The following MYRF variants were observed in gnomAD, a reference collection of about 807,000 sequenced individuals.
The protein encoded by MYRF is myelin gene regulatory factor.
In MYRF, 16 loss-of-function variants were observed where a neutral mutation model predicts 126.3. That is an observed-to-expected ratio of 0.13 (90% CI 0.09 to 0.19). The LOEUF (loss-of-function observed/expected upper bound fraction) is 0.19. Ranked by LOEUF, MYRF falls within the 10% of genes least tolerant of loss-of-function variation. MYRF has a pLI of 1.00. For missense variants in MYRF, 1,104 were observed against 1,547.0 expected (o/e 0.71, Z 4.80); for synonymous variants, 608 against 635.3 (o/e 0.96, Z 0.65).
intron 1 of MYRF, among the ~76,000 whole-genome samples, chr11:61,759,394 G>A (rs1039641181): frequency 6.6e-6 from 1 of 152,222 alleles, no homozygotes; most frequent in Non-Finnish European, 1.5e-5. Flanking sequence ...TCTCCGGCTG[G>A]GCCAGTGGCT....
intron 4 of MYRF, 89 bp from the exon 5 acceptor site, chr11:61,770,157 G>A (rs2066172315): frequency 2.3e-6 from 3 of 1,329,508 alleles, no homozygotes; most frequent in African/African-American, 1.5e-5. Flanking sequence ...GGACGGGGTG[G>A]AAGCAGGAGA....
In MYRF at chr11:61,769,339, CG is replaced by C. The variant is rs758061237; in HGVS notation, c.460+19del. 4.4e-6 allele frequency: 7 copies of C among 1,599,878 alleles called. No homozygotes were observed. In the South Asian group the frequency reaches 7.9e-5, roughly 18 times the overall value. On this transcript the variant is annotated intron_variant, in intron 4 of 26. Transcript: ENST00000278836. ...GGTGAATGGTGAGTCCAGCGGGCAC[CG>C]CCCTCCTGCTCCAGGGTTTGGGCAA...
At chr11:61,755,455 T>C (rs1447586204) in intron 1 of MYRF, 1 of 1,609,192 alleles carries the variant, frequency 6.2e-7, no homozygotes, top group Admixed American at 1.7e-5. Context: ...AACCGGGCCA[T>C]GGTATAAGGG....
rs1224975421 is a variant in MYRF at position 61,757,521 on chromosome 11, T to C, written c.46+4731T>C. ...ATTACTGGTCCCCAGGGTAGGTCAG[T>C]GCCCCTAAGCTTAGGGGGCTTGTTG... On this transcript the variant is annotated intron_variant, in intron 1 of 26. Transcript: ENST00000278836. This position sits in a 1 kb window ranked among gnomAD's most constrained non-coding sequence, Gnocchi z 4.7. 4 of 456,450 alleles carry C rather than the reference T, an allele frequency of 8.8e-6. No homozygotes were observed. The highest frequency in any genetic ancestry group is 1.3e-5 in the Non-Finnish European group (3 of 226,910). The allele number at this position is 456,450 out of a possible 1,614,324, so 28.3% of individuals were successfully genotyped here.
At position 61,776,192 on chromosome 11, in the gene MYRF, G is replaced by A. The variant is rs1308679764; in HGVS notation, c.1388+60G>A. 7 of 1,597,464 alleles carry A rather than the reference G, an allele frequency of 4.4e-6. No individual in the cohort carries two copies. In the Admixed American group the frequency reaches 1.2e-4, roughly 27 times the overall value. On this transcript the variant is annotated intron_variant, in intron 9 of 26. Coordinates refer to ENST00000278836, the MANE Select transcript of MYRF (RefSeq NM_001127392.3). This position sits in a 1 kb window ranked among gnomAD's most constrained non-coding sequence, Gnocchi z 4.3. ...AAGGGTCCACAACTAAAGCTGGCTT[G>A]GGAATGGAGGGGCCAGGGAGGTACC...
intron 2 of MYRF, 111 bp from the exon 3 acceptor site, chr11:61,765,847 C>T (rs532241117): frequency 1.4e-6 from 2 of 1,436,188 alleles, no homozygotes; most frequent in African/African-American, 1.4e-5. Flanking sequence ...TCGTCCCTTC[C>T]CAGCCACTGA....
rs1187291819 is a variant in MYRF at position 61,766,205 on chromosome 11, G to C, written c.382G>C (p.Ala128Pro). 6.2e-6 allele frequency: 10 copies of C among 1,608,706 alleles called. No individual in the cohort carries two copies. Among genetic ancestry groups the C allele is most frequent in the Non-Finnish European group, 8.5e-6 (10 of 1,178,600 alleles). Residue 128 changes from alanine (A) to proline (P), a missense_variant, in exon 3 of 27, where the codon GCT becomes CCT. By Grantham distance (27) the Ala-to-Pro change is conservative. Coordinates refer to ENST00000278836, the MANE Select transcript of MYRF (RefSeq NM_001127392.3). Reference sequence around the variant, plus strand: ...GCCCCCCATCAAGGCTGAGCCCAAGGCTCCCTATGCCCCAGGGTGAGTAAG... The same window carrying C: ...GCCCCCCATCAAGGCTGAGCCCAAGCCTCCCTATGCCCCAGGGTGAGTAAG... ...TGPPIKAEPK[A>P]PYAPGTLPDS...
chr11:61,777,788 A>G lies in MYRF; in HGVS notation c.1846A>G (p.Arg616Gly). 6.4e-7 allele frequency: 1 copy of G among 1,552,562 alleles called. No homozygotes were observed. The highest frequency in any genetic ancestry group is 2.0e-5 in the Admixed American group (1 of 51,264). The change falls in exon 13 of 27, where the codon AGA becomes GGA. Residue 616 changes from arginine to glycine, a missense_variant. Physicochemically the swap from Arg to Gly is moderately radical, Grantham distance 125. Transcript: ENST00000278836. This position sits in a 1 kb window ranked among gnomAD's most constrained non-coding sequence, Gnocchi z 8.8. ...CTCGCGCATGCGGCTGGTGCACTAC[A>G]GATACAAGCCCGAGTTCGCCGCCAG... Reference protein sequence around the residue: ...RISRMRLVHYRYKPEFAASAG... With the variant: ...RISRMRLVHYGYKPEFAASAG...
Position 61,765,992 on chromosome 11 carries a change from G to C in MYRF, c.169G>C (p.Ala57Pro), listed in dbSNP as rs1200786918. 2.6e-6 allele frequency: 4 copies of C among 1,563,814 alleles called. No homozygotes were observed. The South Asian group carries it at 4.7e-5, about 18-fold the overall frequency. The change falls in exon 3 of 27, where the codon GCC (alanine) becomes CCC (proline). Residue 57 changes from alanine to proline, a missense_variant. Ala to Pro is a conservative substitution (Grantham distance 27, BLOSUM62 -1). Transcript: ENST00000278836. ...FPDISAPASS[A>P]SYSHGQPAMP... ...TGACATCTCTGCTCCAGCCAGCTCGGCCTCCTACTCCCACGGGCAGCCTGC... is the reference window on the plus strand; with the variant it reads ...TGACATCTCTGCTCCAGCCAGCTCGCCCTCCTACTCCCACGGGCAGCCTGC...
chr11:61,752,844 TG>T, intron 1 of MYRF, 54 bp downstream of exon 1: 1 of 1,451,550 alleles, frequency 6.9e-7, no homozygotes, highest in Admixed American at 2.6e-5. Context: ...AACCCCCGGC[TG>T]ATCTCCCCGG....
At chr11:61,765,737 G>A in intron 2 of MYRF, 25 bp downstream of exon 2, 1 of 1,596,122 alleles carries the variant, frequency 6.3e-7, no homozygotes, top group Non-Finnish European at 8.6e-7. Flanking sequence ...CGCCCGGCCT[G>A]CACCCGCCCA....
rs562967585 is a variant in MYRF at position 61,765,412 on chromosome 11, T to TGTG, written c.47-208_47-206dup. Among the ~76,000 whole-genome samples the TGTG allele has an allele frequency of 3.0e-3, 459 of 152,120 alleles. 2 individuals carry two copies. Among genetic ancestry groups the TGTG allele is most frequent in the African/African-American group, 0.01 (433 of 41,516 alleles). The stretch of plus-strand genomic sequence containing the variant: ...CCTCCTCTGAGACTCAAGGTGGCCT[T>TGTG]GTGGTGGGGCGGGGGGGCATTATCA... On this transcript the variant is annotated intron_variant, in intron 1 of 26. Transcript: ENST00000278836.
chr11:61,753,001 GCTC>G (rs910020765), intron 1 of MYRF, among the ~76,000 whole-genome samples: 1 of 151,808 alleles, frequency 6.6e-6, no homozygotes, highest in Non-Finnish European at 1.5e-5. Context: ...CCCCCTCCCC[GCTC>G]CTCAACTCGC....
rs188021317 is a variant in MYRF, at chr11:61,754,911, G to A, written c.46+2121G>A. Among the ~76,000 whole-genome samples, 1,072 of 152,358 alleles carry A rather than the reference G, an allele frequency of 7.0e-3. 2 individuals carry two copies. The highest frequency in any genetic ancestry group is 0.012 in the Non-Finnish European group (813 of 68,024). ...CATGTGGGGGACCCACTGTAGGTGTGAGAGAAGGCCTGGGAGTGGCAGGGC... is the reference window on the plus strand; with the variant it reads ...CATGTGGGGGACCCACTGTAGGTGTAAGAGAAGGCCTGGGAGTGGCAGGGC... On this transcript the variant is annotated intron_variant, in intron 1 of 26. Coordinates refer to ENST00000278836, the MANE Select transcript of MYRF (RefSeq NM_001127392.3).
At chr11:61,775,365 G>C (rs181072773) in intron 8 of MYRF, among the ~76,000 whole-genome samples, 1 of 152,166 alleles carries the variant, frequency 6.6e-6, no homozygotes, top group Non-Finnish European at 1.5e-5. Flanking sequence ...TGCCTTGGAT[G>C]CCCTTCCCAA....
rs563375219 is a variant in MYRF, at chr11:61,772,473, G to A, written c.1115+521G>A. ...AGAAGGCCAGTGGGCAGGTGACAGG[G>A]TAACTGTGGATATTGCCAGGCCTGG... On this transcript the variant is annotated intron_variant, in intron 7 of 26. Coordinates refer to ENST00000278836, the MANE Select transcript of MYRF (RefSeq NM_001127392.3). 1.9e-4 allele frequency among the ~76,000 whole-genome samples: 29 copies of A among 152,386 alleles called. No homozygotes were observed. In the South Asian group the frequency reaches 4.6e-3, roughly 24 times the overall value.
chr11:61,766,642 G>A (rs145473959), intron 3 of MYRF: 14 of 244,198 alleles, frequency 5.7e-5, no homozygotes, highest in African/African-American at 3.2e-4. Context: ...TGGCTCAGAT[G>A]TGGCACCTCA....
At chr11:61,766,858 C>T (rs1591094627) in intron 3 of MYRF, 2 of 372,344 alleles carry the variant, frequency 5.4e-6, no homozygotes, top group South Asian at 2.0e-5. Context: ...GAGCATGGGT[C>T]TGCAGGGGAG....
intron 3 of MYRF, among the ~76,000 whole-genome samples, chr11:61,768,189 T>A (rs1207043531): frequency 6.6e-6 from 1 of 151,284 alleles, no homozygotes; most frequent in South Asian, 2.1e-4. Context: ...GAAGCCTAAC[T>A]GGGGAGAGGT....
Sources: allele counts gnomAD v4.1 joint callset (sites outside exome capture counted in the v4.1 genomes callset), GRCh38; gene constraint gnomAD v4.1.1; non-coding constraint Gnocchi (gnomAD v3.1); transcripts MANE v1.5; gene names NCBI Gene and HGNC (gene_info 2026-07-23, HGNC 2026-07-21).